PRR30: variants seen among roughly 807,000 people sequenced by gnomAD.
PRR30 encodes proline rich 30.
For synonymous variants in PRR30, 229 were observed against 222.7 expected, an observed-to-expected ratio of 1.03 and a Z score of -0.25; for missense variants, 546 against 525.3, an observed-to-expected ratio of 1.04 and a Z score of -0.39.
Position 27,137,879 on chromosome 2 carries a change from C to A in PRR30, c.451G>T (p.Glu151Ter). Residue 151 changes from glutamate to a stop codon, truncating the protein, a stop_gained, in exon 3 of 3, where the codon GAA becomes TAA. Transcript: ENST00000335524. LOFTEE classifies it low-confidence loss of function (END_TRUNC). This position sits in a 1 kb window ranked among gnomAD's most constrained non-coding sequence, Gnocchi z 4.3. ...GAAGTGAGTGTGGAGCTATGCAGTTCCTCGGGGTGGGAAGGGGACTGGCAA... is the reference window on the plus strand; with the variant it reads ...GAAGTGAGTGTGGAGCTATGCAGTTACTCGGGGTGGGAAGGGGACTGGCAA... ...SPCQSPSHPE[E>*]LHSSTLTSPG... The A allele has an allele frequency of 5.6e-6, 9 of 1,597,896 alleles. No homozygotes were observed. The highest frequency in any genetic ancestry group is 7.7e-6 in the Non-Finnish European group (9 of 1,170,972).
Position 27,137,864 on chromosome 2 carries a change from T to C in PRR30, c.466A>G (p.Thr156Ala). The change falls in exon 3 of 3, where the codon ACA becomes GCA. Residue 156 changes from threonine (T) to alanine (A), a missense_variant. Physicochemically the swap from Thr to Ala is moderately conservative, Grantham distance 58 (BLOSUM62 0). Coordinates refer to ENST00000335524, the MANE Select transcript of PRR30 (RefSeq NM_178553.4). The surrounding 1 kb of genome is among the most constrained non-coding windows in gnomAD (Gnocchi z 4.3). ...PSHPEELHSS[T>A]LTSPGPSPPS... The stretch of plus-strand genomic sequence containing the variant: ...GGGCTGGGGCCTGGGGAAGTGAGTG[T>C]GGAGCTATGCAGTTCCTCGGGGTGG... 6.3e-7 allele frequency: 1 copy of C among 1,596,052 alleles called. No individual in the cohort carries two copies. The highest frequency in any genetic ancestry group is 1.3e-5 in the African/African-American group (1 of 74,226).
At position 27,137,394 on chromosome 2, in the gene PRR30, C is replaced by T; in HGVS notation, c.936G>A (p.Leu312=). Residue 312 remains leucine, a synonymous_variant, in exon 3 of 3, where the codon CTG becomes CTA. Transcript: ENST00000335524. The surrounding 1 kb of genome is among the most constrained non-coding windows in gnomAD (Gnocchi z 4.3). ...CTTCCTTCGGCCTTTTCTCGGGCAG[C>T]AGATGCAAGGCCCTGGCCTGGCCCT... ...LPQGQARALH[L]LPEKRPKEAG... 6.2e-7 allele frequency: 1 copy of T among 1,613,912 alleles called. No individual in the cohort carries two copies. Among genetic ancestry groups the T allele is most frequent in the Non-Finnish European group, 8.5e-7 (1 of 1,180,034 alleles).
chr2:27,137,327 A>G lies in PRR30; in HGVS notation c.1003T>C (p.Leu335=), dbSNP rs773897839. The G allele has an allele frequency of 4.0e-5, 64 of 1,614,042 alleles. No individual in the cohort carries two copies. In the Admixed American group the frequency reaches 8.3e-4, roughly 21 times the overall value. ...GKATQACGHQ[L]PASQPPAAQA... is the part of the protein sequence containing the mutation. ...GCTGCTGGAGGCTGAGATGCTGGCAATTGATGCCCACAGGCCTGAGTAGCC... is the reference window on the plus strand; with the variant it reads ...GCTGCTGGAGGCTGAGATGCTGGCAGTTGATGCCCACAGGCCTGAGTAGCC... Residue 335 remains leucine, a synonymous_variant, in exon 3 of 3, where the codon TTG becomes CTG. Transcript: ENST00000335524. The surrounding 1 kb of genome is among the most constrained non-coding windows in gnomAD (Gnocchi z 4.3).
At position 27,137,813 on chromosome 2, in the gene PRR30, T is replaced by A. The variant is rs755539510; in HGVS notation, c.517A>T (p.Arg173Trp). 1 of 1,603,488 alleles carries A rather than the reference T, an allele frequency of 6.2e-7. No homozygotes were observed. The highest frequency in any genetic ancestry group is 8.5e-7 in the Non-Finnish European group (1 of 1,172,560). ...TACTGATGCCAGCGCCATGTCTGCC[T>A]GTTAGAGTGGAGCCTATGAGAAGGT... ...SPPSHRLHSN[R>W]QTWRWHQYRD... The change falls in exon 3 of 3, where the codon AGG (arginine) becomes TGG (tryptophan). Residue 173 changes from arginine (R) to tryptophan (W), a missense_variant. Coordinates refer to ENST00000335524, the MANE Select transcript of PRR30 (RefSeq NM_178553.4). This position sits in a 1 kb window ranked among gnomAD's most constrained non-coding sequence, Gnocchi z 4.3.
In PRR30 at chr2:27,138,432, G is replaced by A. The variant is rs1661782509; in HGVS notation, c.-103C>T. ...GGTCAGCTGTGCCTGAGAAATCAAG[G>A]CCACCTTCTGTGCGCAGAGCGTGGC... On this transcript the variant is annotated 5_prime_UTR_variant, in exon 3 of 3. Coordinates refer to ENST00000335524, the MANE Select transcript of PRR30 (RefSeq NM_178553.4). 1 of 1,482,918 alleles carries A rather than the reference G, an allele frequency of 6.7e-7. No homozygotes were observed. The allele number at this position is 1,482,918 out of a possible 1,614,324, so 91.9% of individuals were successfully genotyped here.
Position 27,137,749 on chromosome 2 carries a change from C to A in PRR30, c.581G>T (p.Arg194Ile), listed in dbSNP as rs749125277. The stretch of plus-strand genomic sequence containing the variant: ...AGGATCCTTCTCGCTTGGCACGCAT[C>A]TCTCCACCACTCCAGGGGACCCGGA... The part of the protein sequence containing the change: ...TGSGSPGVVE[R>I]CVPSEKDPAQ... The change falls in exon 3 of 3, where the codon AGA (arginine) becomes ATA (isoleucine). Residue 194 changes from arginine to isoleucine, a missense_variant. By Grantham distance (97) the Arg-to-Ile change is moderately conservative. Transcript: ENST00000335524. The surrounding 1 kb of genome is among the most constrained non-coding windows in gnomAD (Gnocchi z 4.3). The A allele has an allele frequency of 6.8e-6, 11 of 1,613,882 alleles. No individual in the cohort carries two copies. The highest frequency in any genetic ancestry group is 9.3e-6 in the Non-Finnish European group (11 of 1,179,938).
rs1248475384 is a variant in PRR30 at position 27,136,921 on chromosome 2, T to C, written c.*170A>G. ...TTGGTGCCCTTGGTCCTCTTCAGCC[T>C]GGAGACAGCAGACTCCACAAGGGGC... On this transcript the variant is annotated 3_prime_UTR_variant, in exon 3 of 3. Transcript: ENST00000335524. 7.6e-6 allele frequency: 7 copies of C among 927,022 alleles called. No individual in the cohort carries two copies. The African/African-American group carries it at 1.0e-4, about 13-fold the overall frequency. 57.4% of individuals were successfully genotyped at this position (927,022 alleles called of 1,614,324 possible).
Position 27,138,558 on chromosome 2 carries a change from G to T in PRR30, c.-229C>A. On this transcript the variant is annotated 5_prime_UTR_variant, in exon 3 of 3. Coordinates refer to ENST00000335524, the MANE Select transcript of PRR30 (RefSeq NM_178553.4). The stretch of plus-strand genomic sequence containing the variant: ...TGTTCAGGCATGAGCATGAATCTAA[G>T]CTTGGCTTCTCACTTCTTTGCAGTC... 1 of 726,908 alleles carries T rather than the reference G, an allele frequency of 1.4e-6. No individual in the cohort carries two copies. The highest frequency in any genetic ancestry group is 2.1e-6 in the Non-Finnish European group (1 of 479,726). 45.0% of individuals were successfully genotyped at this position (726,908 alleles called of 1,614,324 possible).
At position 27,137,067 on chromosome 2, in the gene PRR30, CA is replaced by C; in HGVS notation, c.*23del. On this transcript the variant is annotated 3_prime_UTR_variant, in exon 3 of 3. Coordinates refer to ENST00000335524, the MANE Select transcript of PRR30 (RefSeq NM_178553.4). This position sits in a 1 kb window ranked among gnomAD's most constrained non-coding sequence, Gnocchi z 4.3. ...AGGGTTGGGTTTGGAGGGGGTGTTC[CA>C]GGGGGCCTCCGTGGCTCTGGAACTA... is the stretch of plus-strand genomic sequence containing the variant. The C allele has an allele frequency of 6.2e-7, 1 of 1,605,462 alleles. No individual in the cohort carries two copies. Among genetic ancestry groups the C allele is most frequent in the African/African-American group, 1.3e-5 (1 of 74,738 alleles).
In PRR30 at chr2:27,137,603, G is replaced by C; in HGVS notation, c.727C>G (p.Gln243Glu). 6.2e-7 allele frequency: 1 copy of C among 1,610,042 alleles called. No homozygotes were observed. Among genetic ancestry groups the C allele is most frequent in the Non-Finnish European group, 8.5e-7 (1 of 1,178,346 alleles). Residue 243 changes from glutamine (Q) to glutamate (E), a missense_variant, in exon 3 of 3, where the codon CAG becomes GAG. Transcript: ENST00000335524. The surrounding 1 kb of genome is among the most constrained non-coding windows in gnomAD (Gnocchi z 4.3). ...LQHLWLGRTG[Q>E]APVVEYPICL... ...ATAGGATACTCCACGACTGGGGCCT[G>C]GCCGGTTCTGCCTAGCCACAGGTGC...
At position 27,137,208 on chromosome 2, in the gene PRR30, G is replaced by A. The variant is rs1472050797; in HGVS notation, c.1122C>T (p.Phe374=). 1.2e-6 allele frequency: 2 copies of A among 1,614,210 alleles called. No individual in the cohort carries two copies. Among genetic ancestry groups the A allele is most frequent in the Admixed American group, 1.7e-5 (1 of 60,034 alleles). ...TTGGTGCCCGAGGTGGAGGCCCGGA[G>A]AAACATCGTGGGGAGTTTGGTGATT... ...GLQSPNSPRC[F]SGPPPRAPKQ... is the part of the protein sequence containing the mutation. Residue 374 remains phenylalanine (F), a synonymous_variant, in exon 3 of 3, where the codon TTC becomes TTT. Coordinates refer to ENST00000335524, the MANE Select transcript of PRR30 (RefSeq NM_178553.4). The surrounding 1 kb of genome is among the most constrained non-coding windows in gnomAD (Gnocchi z 4.3).
Position 27,138,546 on chromosome 2 carries a change from G to C in PRR30, c.-217C>G, listed in dbSNP as rs1672556076. On this transcript the variant is annotated 5_prime_UTR_variant, in exon 3 of 3. Coordinates refer to ENST00000335524, the MANE Select transcript of PRR30 (RefSeq NM_178553.4). ...AGGCTCTCAGGGTGTTCAGGCATGA[G>C]CATGAATCTAAGCTTGGCTTCTCAC... 5 of 843,374 alleles carry C rather than the reference G, an allele frequency of 5.9e-6. No homozygotes were observed. The Admixed American group carries it at 1.3e-4, about 22-fold the overall frequency. 52.2% of individuals were successfully genotyped at this position (843,374 alleles called of 1,614,324 possible).
At position 27,138,619 on chromosome 2, in the gene PRR30, A is replaced by G. The variant is rs1672556921; in HGVS notation, c.-290T>C. Reference sequence around the variant, plus strand: ...GAGGGATGTGTGGGGATGGAGAATCACAGCTGCATCTTGGGAGTGGAGGGG... The same window carrying G: ...GAGGGATGTGTGGGGATGGAGAATCGCAGCTGCATCTTGGGAGTGGAGGGG... On this transcript the variant is annotated 5_prime_UTR_variant, in exon 3 of 3. The change abolishes the stop of an existing upstream ORF in the 5' untranslated region. Transcript: ENST00000335524. 1 of 405,298 alleles carries G rather than the reference A, an allele frequency of 2.5e-6. No homozygotes were observed. Among genetic ancestry groups the G allele is most frequent in the South Asian group, 7.7e-5 (1 of 12,998 alleles). 25.1% of individuals were successfully genotyped at this position (405,298 alleles called of 1,614,324 possible).
rs1191149864 is a variant in PRR30, at chr2:27,137,896, G to C, written c.434C>G (p.Ser145Cys). ...NSSLPHSPCQSPSHPEELHSS... is the reference protein window; with the variant it reads ...NSSLPHSPCQCPSHPEELHSS... Reference sequence around the variant, plus strand: ...ATGCAGTTCCTCGGGGTGGGAAGGGGACTGGCAAGGTGAGTGGGGAAGGGA... The same window carrying C: ...ATGCAGTTCCTCGGGGTGGGAAGGGCACTGGCAAGGTGAGTGGGGAAGGGA... The change falls in exon 3 of 3, where the codon TCC becomes TGC. Residue 145 changes from serine to cysteine, a missense_variant. Coordinates refer to ENST00000335524, the MANE Select transcript of PRR30 (RefSeq NM_178553.4). The surrounding 1 kb of genome is among the most constrained non-coding windows in gnomAD (Gnocchi z 4.3). The C allele has an allele frequency of 6.2e-7, 1 of 1,603,090 alleles. No homozygotes were observed. The highest frequency in any genetic ancestry group is 1.1e-5 in the South Asian group (1 of 89,300).
In PRR30 at chr2:27,137,021, G is replaced by A. The variant is rs1672521935; in HGVS notation, c.*70C>T. Reference sequence around the variant, plus strand: ...CTTCAGGGTGTCTCGGGGACTCCCCGAGATCTGGGGCCTGGTTGGGAGGGT... The same window carrying A: ...CTTCAGGGTGTCTCGGGGACTCCCCAAGATCTGGGGCCTGGTTGGGAGGGT... On this transcript the variant is annotated 3_prime_UTR_variant, in exon 3 of 3. Transcript: ENST00000335524. This position sits in a 1 kb window ranked among gnomAD's most constrained non-coding sequence, Gnocchi z 4.3. The A allele has an allele frequency of 3.9e-6, 6 of 1,548,362 alleles. No homozygotes were observed. The African/African-American group carries it at 4.1e-5, about 11-fold the overall frequency.
Position 27,137,719 on chromosome 2 carries a change from T to C in PRR30, c.611A>G (p.Gln204Arg), listed in dbSNP as rs754567211. 27 of 1,613,878 alleles carry C rather than the reference T, an allele frequency of 1.7e-5. No individual in the cohort carries two copies. Among genetic ancestry groups the C allele is most frequent in the Non-Finnish European group, 2.3e-5 (27 of 1,180,034 alleles). Residue 204 changes from glutamine (Q) to arginine (R), a missense_variant, in exon 3 of 3, where the codon CAG (glutamine) becomes CGG (arginine). Gln to Arg is a conservative substitution (Grantham distance 43). Coordinates refer to ENST00000335524, the MANE Select transcript of PRR30 (RefSeq NM_178553.4). The surrounding 1 kb of genome is among the most constrained non-coding windows in gnomAD (Gnocchi z 4.3). ...RCVPSEKDPA[Q>R]FRDPGALAQA... ...GGCCAGGGCCCCTGGGTCCCTGAAC[T>C]GTGCAGGATCCTTCTCGCTTGGCAC...
At position 27,137,122 on chromosome 2, in the gene PRR30, A is replaced by G; in HGVS notation, c.1208T>C (p.Leu403Pro). 1 of 1,614,188 alleles carries G rather than the reference A, an allele frequency of 6.2e-7. No individual in the cohort carries two copies. The highest frequency in any genetic ancestry group is 8.5e-7 in the Non-Finnish European group (1 of 1,180,014). ...TGATGACTTTTGGAGAATGAGCTCC[A>G]GAGAAACTGGCCTCTTTGGGCCAGG... ...PCPGPKRPVSLELILQKSSV is the reference protein window; with the variant it reads ...PCPGPKRPVSPELILQKSSV Residue 403 changes from leucine to proline, a missense_variant, in exon 3 of 3, where the codon CTG (leucine) becomes CCG (proline). Transcript: ENST00000335524. This position sits in a 1 kb window ranked among gnomAD's most constrained non-coding sequence, Gnocchi z 4.3.
Position 27,137,594 on chromosome 2 carries a change from C to A in PRR30, c.736G>T (p.Val246Phe), listed in dbSNP as rs1359884587. Residue 246 changes from valine (V) to phenylalanine (F), a missense_variant, in exon 3 of 3, where the codon GTC (valine) becomes TTC (phenylalanine). Val to Phe is a conservative substitution (Grantham distance 50). Transcript: ENST00000335524. The surrounding 1 kb of genome is among the most constrained non-coding windows in gnomAD (Gnocchi z 4.3). ...LWLGRTGQAP[V>F]VEYPICLVCL... ...ACCAGGCATATAGGATACTCCACGA[C>A]TGGGGCCTGGCCGGTTCTGCCTAGC... The A allele has an allele frequency of 2.5e-6, 4 of 1,607,742 alleles. No homozygotes were observed. Among genetic ancestry groups the A allele is most frequent in the East Asian group, 2.2e-5 (1 of 44,774 alleles).
rs757471317 is a variant in PRR30 at position 27,137,268 on chromosome 2, G to A, written c.1062C>T (p.Pro354=). The change falls in exon 3 of 3, where the codon CCC becomes CCT. Residue 354 remains proline (P), a synonymous_variant. Coordinates refer to ENST00000335524, the MANE Select transcript of PRR30 (RefSeq NM_178553.4). This position sits in a 1 kb window ranked among gnomAD's most constrained non-coding sequence, Gnocchi z 4.3. ...QARADPVPGT[P]SQTRSFRSAG... ...CAGACCTGAAGCTCCTGGTCTGGGA[G>A]GGTGTGCCTGGGACTGGGTCGGCCC... 2 of 1,614,118 alleles carry A rather than the reference G, an allele frequency of 1.2e-6. No homozygotes were observed. Among genetic ancestry groups the A allele is most frequent in the East Asian group, 4.5e-5 (2 of 44,892 alleles).
Sources: gnomAD v4.1 joint callset for allele counts on GRCh38, gnomAD v4.1.1 for gene constraint, Gnocchi (gnomAD v3.1) non-coding constraint, MANE v1.5 for transcripts, NCBI Gene and HGNC (gene_info 2026-07-23, HGNC 2026-07-21) for gene names.